Variants in FHIT observed in about 807,000 individuals in gnomAD.
FHIT encodes the protein bis(5'-adenosyl)-triphosphatase.
Under a neutral mutation model 17.9 loss-of-function variants are expected in FHIT, and 19 were observed. The observed-to-expected ratio is 1.06, with a 90% confidence interval of 0.74 to 1.56. FHIT has a LOEUF of 1.56. FHIT is among the 40% of genes most tolerant of loss of function. The pLI, the probability that FHIT is intolerant of heterozygous loss-of-function variation, is 0.00. For missense variants in FHIT, 248 were observed against 189.2 expected, an observed-to-expected ratio of 1.31 and a Z score of -1.82; for synonymous variants, 81 against 69.7, an observed-to-expected ratio of 1.16 and a Z score of -0.81.
chr3:59,881,009 A>C (rs966363636), intron 8 of FHIT, among the ~76,000 whole-genome samples: 3 of 152,182 alleles, frequency 2.0e-5, no homozygotes, highest in Non-Finnish European at 4.4e-5. Flanking sequence ...TCTCAACAGC[A>C]CTTGAAAGTG....
chr3:59,963,571 C>A (rs578018444), intron 7 of FHIT, among the ~76,000 whole-genome samples: 2 of 152,060 alleles, frequency 1.3e-5, no homozygotes, highest in Non-Finnish European at 2.9e-5. Flanking sequence ...ATTCACAGAG[C>A]GCCTAACATG....
intron 8 of FHIT, among the ~76,000 whole-genome samples, chr3:59,857,111 G>A (rs1702191136): frequency 6.6e-6 from 1 of 152,194 alleles, no homozygotes; most frequent in African/African-American, 2.4e-5. Context: ...CACTTCCTCT[G>A]AGGGGCACTG....
rs556668526 is a variant in FHIT, at chr3:61,009,024, T to C, written c.-111+33023A>G. Among the ~76,000 whole-genome samples, 208 of 152,236 alleles carry C rather than the reference T, an allele frequency of 1.4e-3. 2 individuals are homozygous for C. Among genetic ancestry groups the C allele is most frequent in the African/African-American group, 4.7e-3 (194 of 41,530 alleles). On this transcript the variant is annotated intron_variant, in intron 3 of 9. Coordinates refer to ENST00000492590, the MANE Select transcript of FHIT (RefSeq NM_002012.4). ...AAACTCTGCTTTATTATCCTGAAAC[T>C]CCCAAGAAACATTGCCCAATAATTG... is the stretch of plus-strand genomic sequence containing the variant.
At chr3:60,487,048 A>T (rs1312843539) in intron 5 of FHIT, among the ~76,000 whole-genome samples, 1 of 152,226 alleles carries the variant, frequency 6.6e-6, no homozygotes, top group Non-Finnish European at 1.5e-5. Flanking sequence ...ATATTTGTTA[A>T]GGAATTTCTG....
At chr3:60,531,622 G>C (rs989749635) in intron 5 of FHIT, among the ~76,000 whole-genome samples, 2 of 152,126 alleles carry the variant, frequency 1.3e-5, no homozygotes, top group African/African-American at 4.8e-5. Context: ...AATAACTGCA[G>C]TTTCCTGAAC....
chr3:61,235,359 C>T (rs2040204150), intron 1 of FHIT, among the ~76,000 whole-genome samples: 1 of 151,996 alleles, frequency 6.6e-6, no homozygotes, highest in Non-Finnish European at 1.5e-5. Flanking sequence ...CATAGAGTTG[C>T]TAAGAGGATG....
chr3:60,102,647 A>T (rs1452898237), intron 5 of FHIT, among the ~76,000 whole-genome samples: 2 of 151,996 alleles, frequency 1.3e-5, no homozygotes, highest in African/African-American at 4.8e-5. Flanking sequence ...CTTCACCTTT[A>T]TGTGTAATAA....
chr3:60,148,976 A>T (rs1215007317), intron 5 of FHIT, among the ~76,000 whole-genome samples: 2 of 152,150 alleles, frequency 1.3e-5, no homozygotes, highest in Non-Finnish European at 2.9e-5. Context: ...TCCTTTGAGC[A>T]TGCCTCCTTC....
chr3:60,393,448 A>G lies in FHIT; in HGVS notation c.103+143412T>C, dbSNP rs569476974. On this transcript the variant is annotated intron_variant, in intron 5 of 9. Transcript: ENST00000492590. Reference sequence around the variant, plus strand: ...ATTTTACATATAACTTATGTATATAATTATATATAAATTTGCATGTAATTT... The same window carrying G: ...ATTTTACATATAACTTATGTATATAGTTATATATAAATTTGCATGTAATTT... Among the ~76,000 whole-genome samples the G allele has an allele frequency of 2.5e-4, 37 of 150,118 alleles. No individual in the cohort carries two copies. The East Asian group carries it at 7.0e-3, about 28-fold the overall frequency.
chr3:60,205,907 G>C (rs753736261), intron 5 of FHIT, among the ~76,000 whole-genome samples: 3 of 151,496 alleles, frequency 2.0e-5, no homozygotes, highest in Non-Finnish European at 4.4e-5. Flanking sequence ...AGGTGATTGA[G>C]ACCATCCTGG....
intron 7 of FHIT, among the ~76,000 whole-genome samples, chr3:59,941,466 T>C (rs984290761): frequency 4.6e-5 from 7 of 152,210 alleles, no homozygotes; most frequent in African/African-American, 1.7e-4. Flanking sequence ...GGCTTTCCTC[T>C]GTCCATGCAA....
chr3:60,105,834 G>C (rs546290785), intron 5 of FHIT, among the ~76,000 whole-genome samples: 2 of 152,136 alleles, frequency 1.3e-5, no homozygotes, highest in South Asian at 2.1e-4. Flanking sequence ...AGAAGAAAAA[G>C]AAAATGGGCA....
At chr3:59,928,860 T>C (rs143468849) in intron 7 of FHIT, among the ~76,000 whole-genome samples, 13,851 of 151,902 alleles carry the variant, frequency 0.091, 805 homozygotes, top group Admixed American at 0.13. Context: ...CCAGGCATGG[T>C]GGCACACACC....
intron 3 of FHIT, among the ~76,000 whole-genome samples, chr3:60,972,169 T>G (rs1710050742): frequency 6.6e-6 from 1 of 152,306 alleles, no homozygotes; most frequent in Non-Finnish European, 1.5e-5. Context: ...ACTTATATAT[T>G]TATACTTTTT....
chr3:60,071,219 A>G (rs1471715176), intron 5 of FHIT, among the ~76,000 whole-genome samples: 1 of 152,170 alleles, frequency 6.6e-6, no homozygotes, highest in African/African-American at 2.4e-5. Flanking sequence ...GTAAAATACA[A>G]CCCAGATTTC....
intron 8 of FHIT, among the ~76,000 whole-genome samples, chr3:59,842,507 C>T (rs1701569730): frequency 6.6e-6 from 1 of 152,158 alleles, no homozygotes. Context: ...TTTTCCACAG[C>T]AGCTGTACCA....
intron 5 of FHIT, among the ~76,000 whole-genome samples, chr3:60,151,658 T>C (rs957998694): frequency 6.6e-6 from 1 of 152,152 alleles, no homozygotes; most frequent in African/African-American, 2.4e-5. Context: ...CCACTGTCTT[T>C]CTTGCTGTTC....
chr3:60,280,264 T>C (rs1471165035), intron 5 of FHIT, among the ~76,000 whole-genome samples: 1 of 152,110 alleles, frequency 6.6e-6, no homozygotes, highest in East Asian at 1.9e-4. Context: ...ACAGCTAACA[T>C]GACATCATAC....
intron 5 of FHIT, among the ~76,000 whole-genome samples, chr3:60,056,761 C>T (rs890239686): frequency 6.6e-6 from 1 of 152,196 alleles, no homozygotes; most frequent in Non-Finnish European, 1.5e-5. Flanking sequence ...AGGTTTTCTT[C>T]ATGGGAAACA....
Sources: gnomAD v4.1 joint callset for allele counts (sites outside exome capture counted in the v4.1 genomes callset) on GRCh38, gnomAD v4.1.1 for gene constraint, MANE v1.5 for transcripts, NCBI Gene and HGNC (gene_info 2026-07-23, HGNC 2026-07-21) for gene names.